The following DAZAP1 variants were observed in gnomAD, a reference collection of about 807,000 sequenced individuals.
DAZAP1 encodes the protein DAZ associated protein 1.
A neutral mutation model predicts 60.1 loss-of-function variants in DAZAP1; 6 were observed. The ratio of observed to expected loss-of-function variants is 0.10; its 90% confidence interval spans 0.05 to 0.20. DAZAP1 has a LOEUF of 0.20. Ranked by LOEUF, DAZAP1 falls within the 10% of genes least tolerant of loss-of-function variation. The pLI, the probability that DAZAP1 is intolerant of heterozygous loss-of-function variation, is 1.00. For missense variants in DAZAP1, 366 were observed against 560.4 expected, an observed-to-expected ratio of 0.65 and a Z score of 3.50; for synonymous variants, 235 against 215.9, an observed-to-expected ratio of 1.09 and a Z score of -0.78.
rs777270882 is a variant in DAZAP1 at position 1,434,048 on chromosome 19, G to A, written c.1049-689G>A. The A allele has an allele frequency of 5.6e-5, 32 of 574,958 alleles. 1 individual carries two copies. Among genetic ancestry groups the A allele is most frequent in the Non-Finnish European group, 9.6e-5 (31 of 321,736 alleles). The allele number at this position is 574,958 out of a possible 1,614,324, so 35.6% of individuals were successfully genotyped here. ...CCACGTGCACCCGAATGGGAACCCA[G>A]AGGTCGTGGGAGGGGCTTCCTGCAA... On this transcript the variant is annotated intron_variant, in intron 11 of 11. Coordinates refer to ENST00000233078, the MANE Select transcript of DAZAP1 (RefSeq NM_018959.4). The surrounding 1 kb of genome is among the most constrained non-coding windows in gnomAD (Gnocchi z 8.0).
rs528666014 is a variant in DAZAP1 at position 1,433,575 on chromosome 19, G to A, written c.1048+885G>A. 12 of 593,182 alleles carry A rather than the reference G, an allele frequency of 2.0e-5. No homozygotes were observed. Among genetic ancestry groups the A allele is most frequent in the Non-Finnish European group, 3.3e-5 (11 of 332,904 alleles). The allele number at this position is 593,182 out of a possible 1,614,324, so 36.7% of individuals were successfully genotyped here. ...TGCCCCCACGCCCAGGCCTTGGGCCGAGGTTGCCGCATGTGTGGGTTCTTG... is the reference window on the plus strand; with the variant it reads ...TGCCCCCACGCCCAGGCCTTGGGCCAAGGTTGCCGCATGTGTGGGTTCTTG... On this transcript the variant is annotated intron_variant, in intron 11 of 11. Coordinates refer to ENST00000233078, the MANE Select transcript of DAZAP1 (RefSeq NM_018959.4). This position sits in a 1 kb window ranked among gnomAD's most constrained non-coding sequence, Gnocchi z 6.1.
intron 1 of DAZAP1, among the ~76,000 whole-genome samples, chr19:1,410,646 C>T (rs915181069): frequency 2.0e-5 from 3 of 152,206 alleles, no homozygotes; most frequent in African/African-American, 2.4e-5. Flanking sequence ...GGGTGCTAGG[C>T]GCCTGGGTGG....
At chr19:1,427,441 T>G (rs1288984520) in intron 7 of DAZAP1, 1 of 152,236 alleles carries the variant, frequency 6.6e-6, no homozygotes, top group Non-Finnish European at 1.5e-5. Context: ...CTTCACTGGT[T>G]GGCTGGAGCG....
chr19:1,417,533 G>A lies in DAZAP1; in HGVS notation c.63G>A (p.Thr21=), dbSNP rs769364809. 1 of 1,606,184 alleles carries A rather than the reference G, an allele frequency of 6.2e-7. No homozygotes were observed. Among genetic ancestry groups the A allele is most frequent in the Admixed American group, 1.7e-5 (1 of 58,656 alleles). ...TCGTGGGCGGTCTTGACTGGAGCAC[G>A]ACCCAAGGTAGGTGGGGAAGGGGTG... The part of the protein sequence containing the change: ...KLFVGGLDWS[T]TQETLRSYFS... Residue 21 remains threonine, a synonymous_variant, in exon 2 of 12, where the codon ACG becomes ACA. Transcript: ENST00000233078.
Position 1,432,824 on chromosome 19 carries a change from G to A in DAZAP1, c.1048+134G>A. ...GGGAAAGGGGAGAGGGAGGAGAGGG[G>A]GGTGTGGGGGTTGTTGGAGAGATCT... On this transcript the variant is annotated intron_variant, in intron 11 of 11. Coordinates refer to ENST00000233078, the MANE Select transcript of DAZAP1 (RefSeq NM_018959.4). This position sits in a 1 kb window ranked among gnomAD's most constrained non-coding sequence, Gnocchi z 4.9. 1 of 1,076,230 alleles carries A rather than the reference G, an allele frequency of 9.3e-7. No individual in the cohort carries two copies. The highest frequency in any genetic ancestry group is 1.3e-6 in the Non-Finnish European group (1 of 754,604). The allele number at this position is 1,076,230 out of a possible 1,614,324, so 66.7% of individuals were successfully genotyped here.
In DAZAP1 at chr19:1,407,736, G is replaced by A; in HGVS notation, c.-38G>A. On this transcript the variant is annotated 5_prime_UTR_variant, in exon 1 of 12. Coordinates refer to ENST00000233078, the MANE Select transcript of DAZAP1 (RefSeq NM_018959.4). ...CCTTCCGGAGGCGGGAGCGAGCGAG[G>A]AGGCCCGGGAGCGCCGAGCGTCGCC... 1 of 1,078,852 alleles carries A rather than the reference G, an allele frequency of 9.3e-7. No individual in the cohort carries two copies. The highest frequency in any genetic ancestry group is 1.1e-6 in the Non-Finnish European group (1 of 891,616). The allele number at this position is 1,078,852 out of a possible 1,614,324, so 66.8% of individuals were successfully genotyped here. A position where few individuals can be genotyped will look rare whatever the true frequency, so the allele number is the denominator to read the frequency against.
intron 4 of DAZAP1, among the ~76,000 whole-genome samples, chr19:1,420,580 C>G (rs969213725): frequency 2.0e-5 from 3 of 152,068 alleles, no homozygotes; most frequent in Admixed American, 6.6e-5. Context: ...ACTCCTGGCT[C>G]TGGCCACCCA....
chr19:1,432,123 C>T lies in DAZAP1; in HGVS notation c.872-391C>T, dbSNP rs886250801. On this transcript the variant is annotated intron_variant, in intron 10 of 11. Coordinates refer to ENST00000233078, the MANE Select transcript of DAZAP1 (RefSeq NM_018959.4). The surrounding 1 kb of genome is among the most constrained non-coding windows in gnomAD (Gnocchi z 4.9). ...AGTCCCTTCCAAGCACGTCAGGATG[C>T]TCCCTTGCCTGTGCTGGCAGCTTCC... 6 of 245,714 alleles carry T rather than the reference C, an allele frequency of 2.4e-5. No homozygotes were observed. The highest frequency in any genetic ancestry group is 1.4e-4 in the African/African-American group (6 of 43,084). The allele number at this position is 245,714 out of a possible 1,614,324, so 15.2% of individuals were successfully genotyped here. A position where few individuals can be genotyped will look rare whatever the true frequency, so the allele number is the denominator to read the frequency against.
At chr19:1,411,225 G>C (rs1010582636) in intron 1 of DAZAP1, among the ~76,000 whole-genome samples, 1 of 152,188 alleles carries the variant, frequency 6.6e-6, no homozygotes, top group Non-Finnish European at 1.5e-5. Flanking sequence ...GAGTTATTCC[G>C]AGGCAGGTCT....
chr19:1,421,412 C>T (rs897406526), intron 5 of DAZAP1, among the ~76,000 whole-genome samples, 154 bp downstream of exon 5: 5 of 152,264 alleles, frequency 3.3e-5, no homozygotes, highest in African/African-American at 1.2e-4. Context: ...CTGCGCCCTC[C>T]GGAAAGGTGG....
chr19:1,424,232 CTCGT>C (rs1415481659), intron 6 of DAZAP1, among the ~76,000 whole-genome samples: 1 of 152,048 alleles, frequency 6.6e-6, no homozygotes, highest in Non-Finnish European at 1.5e-5. Flanking sequence ...CAGCCGCTGC[CTCGT>C]TCGCCTCTCA....
intron 1 of DAZAP1, among the ~76,000 whole-genome samples, chr19:1,412,986 C>T (rs3893252): frequency 0.099 from 15,003 of 152,218 alleles, 2,227 homozygotes; most frequent in African/African-American, 0.32. Context: ...CTGTAGGAGC[C>T]ACGACTTCCA....
chr19:1,409,909 C>T (rs2082776801), intron 1 of DAZAP1: 1 of 152,426 alleles, frequency 6.6e-6, no homozygotes, highest in South Asian at 2.1e-4. Context: ...GCCCTCACTG[C>T]TCACTGCCAT....
Position 1,428,484 on chromosome 19 carries a change from C to A in DAZAP1, c.547-358C>A. 4.9e-6 allele frequency: 1 copy of A among 205,788 alleles called. No individual in the cohort carries two copies. The highest frequency in any genetic ancestry group is 9.9e-6 in the Non-Finnish European group (1 of 101,518). The allele number at this position is 205,788 out of a possible 1,614,324, so 12.7% of individuals were successfully genotyped here. A position where few individuals can be genotyped will look rare whatever the true frequency, so the allele number is the denominator to read the frequency against. On this transcript the variant is annotated intron_variant, in intron 7 of 11. Transcript: ENST00000233078. The surrounding 1 kb of genome is among the most constrained non-coding windows in gnomAD (Gnocchi z 4.0). ...TGGGAAGATCCTGGTCCCTTTTTGT[C>A]CCCATGTTTTCAAGAGGAAGGAGGA...
At position 1,417,518 on chromosome 19, in the gene DAZAP1, T is replaced by G. The variant is rs1360187340; in HGVS notation, c.48T>G (p.Gly16=). The stretch of plus-strand genomic sequence containing the variant: ...ATCGCAGGAAGCTCTTCGTGGGCGG[T>G]CTTGACTGGAGCACGACCCAAGGTA... The part of the protein sequence containing the change: ...ADEIGKLFVG[G]LDWSTTQETL... Residue 16 remains glycine (G), a synonymous_variant, in exon 2 of 12, where the codon GGT becomes GGG. Coordinates refer to ENST00000233078, the MANE Select transcript of DAZAP1 (RefSeq NM_018959.4). 1.2e-6 allele frequency: 2 copies of G among 1,607,372 alleles called. No homozygotes were observed.
chr19:1,433,710 T>C lies in DAZAP1; in HGVS notation c.1048+1020T>C, dbSNP rs1358404109. 2 of 1,597,342 alleles carry C rather than the reference T, an allele frequency of 1.3e-6. No homozygotes were observed. Among genetic ancestry groups the C allele is most frequent in the Admixed American group, 3.3e-5 (2 of 59,924 alleles). On this transcript the variant is annotated intron_variant, in intron 11 of 11. Coordinates refer to ENST00000233078, the MANE Select transcript of DAZAP1 (RefSeq NM_018959.4). The surrounding 1 kb of genome is among the most constrained non-coding windows in gnomAD (Gnocchi z 6.1). ...CTGCTCTTGGTGGCGGCTGCTTGGG[T>C]TGGTCACCCTGGTCTCGTCTCTTGC...
chr19:1,413,525 A>C (rs1600188605), intron 1 of DAZAP1, among the ~76,000 whole-genome samples: 1 of 152,364 alleles, frequency 6.6e-6, no homozygotes, highest in South Asian at 2.1e-4. Flanking sequence ...GACTTCCCGG[A>C]GGCTTCTGTC....
chr19:1,408,873 A>C (rs2082743164), intron 1 of DAZAP1, among the ~76,000 whole-genome samples: 1 of 151,766 alleles, frequency 6.6e-6, no homozygotes, highest in Non-Finnish European at 1.5e-5. Flanking sequence ...CCGGCAAAAC[A>C]GTCTGGGTTG....
In DAZAP1 at chr19:1,423,383, C is replaced by T. The variant is rs1308315641; in HGVS notation, c.463+987C>T. ...TTAAGTAAGCTGTTTTTCCTTTTCT[C>T]TCTGTGAATTGTGTGTGATTAACGA... is the stretch of plus-strand genomic sequence containing the variant. On this transcript the variant is annotated intron_variant, in intron 6 of 11. Coordinates refer to ENST00000233078, the MANE Select transcript of DAZAP1 (RefSeq NM_018959.4). This position sits in a 1 kb window ranked among gnomAD's most constrained non-coding sequence, Gnocchi z 6.8. Among the ~76,000 whole-genome samples the T allele has an allele frequency of 2.0e-5, 3 of 152,224 alleles. No individual in the cohort carries two copies. In the East Asian group the frequency reaches 5.8e-4, roughly 29 times the overall value.
Sources: gnomAD v4.1 joint callset for allele counts (sites outside exome capture counted in the v4.1 genomes callset) on GRCh38, gnomAD v4.1.1 for gene constraint, Gnocchi (gnomAD v3.1) non-coding constraint, MANE v1.5 for transcripts, NCBI Gene and HGNC (gene_info 2026-07-23, HGNC 2026-07-21) for gene names.